The following INTS6 variants were observed in gnomAD, a reference collection of about 807,000 sequenced individuals.
INTS6 encodes the protein DEAD box protein.
A neutral mutation model predicts 104.9 loss-of-function variants in INTS6; 16 were observed. The observed-to-expected ratio is 0.15, with a 90% CI of 0.10 to 0.23. The LOEUF (loss-of-function observed/expected upper bound fraction) is 0.23, where lower values mean the gene tolerates loss of function less well. Ranked by LOEUF, INTS6 falls within the 10% of genes least tolerant of loss-of-function variation. The pLI is 1.00. For synonymous variants in INTS6, 324 were observed against 358.7 expected, an observed-to-expected ratio of 0.90 and a Z score of 1.09; for missense variants, 584 against 1,062.8, an observed-to-expected ratio of 0.55 and a Z score of 6.26.
intron 3 of INTS6, chr13:51,440,564 A>C (rs890869975): frequency 2.4e-4 from 37 of 152,230 alleles, no homozygotes; most frequent in African/African-American, 8.0e-4. Context: ...CCAGTCCTCA[A>C]GCTACATTCA....
chr13:51,378,506 C>T (rs1205427885), intron 11 of INTS6, 52 bp from the exon 12 acceptor site: 1 of 1,167,424 alleles, frequency 8.6e-7, no homozygotes, highest in Admixed American at 1.9e-5. Context: ...ATTAATAAAT[C>T]AGATACTAAT....
At chr13:51,447,418 T>G (rs1297088621) in intron 3 of INTS6, 2 of 152,190 alleles carry the variant, frequency 1.3e-5, no homozygotes, top group Admixed American at 6.5e-5. Context: ...AAAATAAAAT[T>G]GGTTAAAATT....
At chr13:51,429,171 A>G (rs1265322260) in intron 4 of INTS6, among the ~76,000 whole-genome samples, 1 of 152,218 alleles carries the variant, frequency 6.6e-6, no homozygotes, top group Non-Finnish European at 1.5e-5. Context: ...TCCATGTCCA[A>G]TTTGTATTCC....
At chr13:51,437,814 G>T in intron 3 of INTS6, 1 of 152,196 alleles carries the variant, frequency 6.6e-6, no homozygotes, top group Non-Finnish European at 1.5e-5. Context: ...TTCCAGACCA[G>T]CCTGGCCAAC....
intron 4 of INTS6, among the ~76,000 whole-genome samples, chr13:51,421,955 TCAAA>T (rs758020197): frequency 1.8e-3 from 279 of 152,256 alleles, no homozygotes; most frequent in Non-Finnish European, 3.0e-3. Context: ...TCCTTAAATT[TCAAA>T]CAAACTTTAA....
intron 3 of INTS6, chr13:51,437,503 G>A (rs891916518): frequency 1.3e-5 from 2 of 151,978 alleles, no homozygotes; most frequent in African/African-American, 4.8e-5. Context: ...AAAAGAAGAT[G>A]GCATTCTATG....
At chr13:51,402,172 A>G (rs1324649213) in intron 4 of INTS6, among the ~76,000 whole-genome samples, 1 of 152,120 alleles carries the variant, frequency 6.6e-6, no homozygotes, top group East Asian at 1.9e-4. Flanking sequence ...AACAATAGCT[A>G]GCATATTCTG....
At chr13:51,413,325 T>C (rs1956724670) in intron 4 of INTS6, among the ~76,000 whole-genome samples, 1 of 152,188 alleles carries the variant, frequency 6.6e-6, no homozygotes, top group Non-Finnish European at 1.5e-5. Context: ...CCATTTAAAA[T>C]TCAATCTTCC....
At chr13:51,354,836 A>G (rs1350984174) in intron 3 of INTS6, among the ~76,000 whole-genome samples, 1 of 152,224 alleles carries the variant, frequency 6.6e-6, no homozygotes, top group Non-Finnish European at 1.5e-5. Context: ...CTTAGAATGA[A>G]CAGCAGGAAC....
chr13:51,353,990 T>C (rs1273218843), downstream of INTS6: 1 of 152,238 alleles, frequency 6.6e-6, no homozygotes, highest in East Asian at 1.9e-4. Flanking sequence ...TGATTCTTTG[T>C]GCTCAAAGGG....
At chr13:51,371,785 T>G (rs1056196215) in intron 15 of INTS6, among the ~76,000 whole-genome samples, 2 of 152,048 alleles carry the variant, frequency 1.3e-5, no homozygotes, top group African/African-American at 4.8e-5. Flanking sequence ...GCAGTATACT[T>G]CACCTTCTAC....
chr13:51,381,315 G>A (rs1292641754), intron 10 of INTS6, among the ~76,000 whole-genome samples: 1 of 152,154 alleles, frequency 6.6e-6, no homozygotes, highest in Non-Finnish European at 1.5e-5. Flanking sequence ...GAGGTTAAAA[G>A]CCTAAATCTA....
chr13:51,433,025 TA>T (rs1300352349), intron 3 of INTS6, among the ~76,000 whole-genome samples: 3 of 152,352 alleles, frequency 2.0e-5, no homozygotes, highest in African/African-American at 7.2e-5. Context: ...CTTCCACCCT[TA>T]AGCTAAACTA....
At chr13:51,427,791 A>G (rs1031794539) in intron 4 of INTS6, among the ~76,000 whole-genome samples, 8 of 152,366 alleles carry the variant, frequency 5.3e-5, no homozygotes, top group South Asian at 2.1e-4. Flanking sequence ...TTTTAAAAAT[A>G]TAGGCTCTGT....
downstream of INTS6, among the ~76,000 whole-genome samples, chr13:51,351,978 A>G (rs1165441067): frequency 6.6e-6 from 1 of 152,118 alleles, no homozygotes; most frequent in Non-Finnish European, 1.5e-5. Context: ...TGGACTTTCA[A>G]TTCTATCCTA....
At chr13:51,450,804 A>T in intron 3 of INTS6, 1 of 1,170,046 alleles carries the variant, frequency 8.5e-7, no homozygotes, top group Non-Finnish European at 1.1e-6. Flanking sequence ...CAAAAGTTTC[A>T]GATTCTAATC....
chr13:51,375,546 T>C (rs927344295), intron 13 of INTS6, among the ~76,000 whole-genome samples: 2 of 151,292 alleles, frequency 1.3e-5, no homozygotes, highest in Non-Finnish European at 2.9e-5. Flanking sequence ...AAATCAGAGG[T>C]GGCAAACGTT....
chr13:51,420,048 T>C (rs1165112207), intron 4 of INTS6, among the ~76,000 whole-genome samples: 2 of 152,198 alleles, frequency 1.3e-5, no homozygotes, highest in African/African-American at 4.8e-5. Context: ...GTACACACTA[T>C]ACAGGCTGAA....
chr13:51,349,271 C>T (rs1955382869), downstream of INTS6, among the ~76,000 whole-genome samples: 1 of 152,138 alleles, frequency 6.6e-6, no homozygotes, highest in South Asian at 2.1e-4. Context: ...AAAAGTAAAT[C>T]TATGCACTAG....
Sources: gnomAD v4.1 joint callset for allele counts (sites outside exome capture counted in the v4.1 genomes callset) on GRCh38, gnomAD v4.1.1 for gene constraint, MANE v1.5 for transcripts, NCBI Gene and HGNC (gene_info 2026-07-23, HGNC 2026-07-21) for gene names.